SREBF2: variants seen among roughly 807,000 people sequenced by gnomAD.
SREBF2 encodes the protein sterol regulatory element-binding protein 2.
SREBF2 carries 55 observed loss-of-function variants against 113.1 expected under a neutral mutation model. The observed-to-expected ratio is 0.49, with a 90% CI of 0.39 to 0.61. The LOEUF (loss-of-function observed/expected upper bound fraction) is 0.61, where lower values mean the gene tolerates loss of function less well. SREBF2 is among the 20% of genes least tolerant of loss of function. The probability of loss-of-function intolerance (pLI) is 0.00; values close to 1 mark genes in which losing one functional copy is unlikely to be tolerated. For synonymous variants in SREBF2, 593 were observed against 605.7 expected, an observed-to-expected ratio of 0.98 and a Z score of 0.31; for missense variants, 1,349 against 1,487.4, an observed-to-expected ratio of 0.91 and a Z score of 1.53.
rs2077091488 is a variant in SREBF2, at chr22:41,867,292, G to A, written c.538+12G>A. ...TACTAGCTTTCAAGGTGATTCAGAA[G>A]TTAGAATGGTAGTGGTTGGTTGGTT... On this transcript the variant is annotated intron_variant, in intron 2 of 18. Coordinates refer to ENST00000361204, the MANE Select transcript of SREBF2 (RefSeq NM_004599.4). 2 of 1,613,986 alleles carry A rather than the reference G, an allele frequency of 1.2e-6. No individual in the cohort carries two copies. The highest frequency in any genetic ancestry group is 8.5e-7 in the Non-Finnish European group (1 of 1,179,924).
chr22:41,892,995 G>T, intron 11 of SREBF2, 122 bp from the exon 12 acceptor site: 1 of 1,213,570 alleles, frequency 8.2e-7, no homozygotes, highest in Non-Finnish European at 1.2e-6. Flanking sequence ...TCCTATCCCT[G>T]TGCTGATCTT....
At chr22:41,862,649 A>C (rs547408140) in intron 1 of SREBF2, among the ~76,000 whole-genome samples, 1 of 152,320 alleles carries the variant, frequency 6.6e-6, no homozygotes, top group East Asian at 1.9e-4. Context: ...CCATTAGGAC[A>C]TTCCCATGGG....
At chr22:41,881,181 C>T (rs2077242324) in intron 10 of SREBF2, among the ~76,000 whole-genome samples, 189 bp downstream of exon 10, 1 of 152,240 alleles carries the variant, frequency 6.6e-6, no homozygotes, top group Admixed American at 6.5e-5. Flanking sequence ...CTCATCAGTT[C>T]TCAGATGCAC....
At chr22:41,897,898 C>T (rs1602345983) in intron 14 of SREBF2, among the ~76,000 whole-genome samples, 1 of 152,316 alleles carries the variant, frequency 6.6e-6, no homozygotes, top group East Asian at 1.9e-4. Context: ...AAAACTAAGG[C>T]TGAGAGAGGA....
chr22:41,866,084 C>T (rs145867152), intron 1 of SREBF2, among the ~76,000 whole-genome samples: 1 of 152,264 alleles, frequency 6.6e-6, no homozygotes, highest in East Asian at 1.9e-4. Flanking sequence ...GTCTGCAGTG[C>T]TAGGATTAGA....
At chr22:41,903,210 C>T (rs1044296761) in intron 17 of SREBF2, 55 bp downstream of exon 17, 1 of 1,534,508 alleles carries the variant, frequency 6.5e-7, no homozygotes. Flanking sequence ...GGGGCCTGAG[C>T]CCAGAACCCA....
intron 8 of SREBF2, among the ~76,000 whole-genome samples, 194 bp downstream of exon 8, chr22:41,877,615 G>A (rs1056753006): frequency 6.6e-6 from 1 of 152,168 alleles, no homozygotes; most frequent in Non-Finnish European, 1.5e-5. Context: ...AGTTCAGTCA[G>A]AATGAGCAAA....
rs750128710 is a variant in SREBF2 at position 41,880,789 on chromosome 22, G to T, written c.1835G>T (p.Arg612Leu). ...TTGGGCCGGGCACTGCCCACCTCCC[G>T]CCTGGACCTGGCCTGCAGCCTCTCC... is the stretch of plus-strand genomic sequence containing the variant. The part of the protein sequence containing the change: ...AVLGRALPTS[R>L]LDLACSLSWN... Residue 612 changes from arginine (R) to leucine (L), a missense_variant, in exon 10 of 19, where the codon CGC (arginine) becomes CTC (leucine). This residue lies in a region of SREBF2 where 699 missense variants were observed against 843.3 expected (regional missense o/e 0.83). Transcript: ENST00000361204. 6.2e-7 allele frequency: 1 copy of T among 1,614,118 alleles called. No homozygotes were observed. The highest frequency in any genetic ancestry group is 1.1e-5 in the South Asian group (1 of 91,084).
chr22:41,894,365 G>A (rs1051381416), intron 12 of SREBF2, among the ~76,000 whole-genome samples: 4 of 152,210 alleles, frequency 2.6e-5, no homozygotes, highest in South Asian at 2.1e-4. Flanking sequence ...CTGATGGCAC[G>A]TTCCATGACA....
intron 13 of SREBF2, among the ~76,000 whole-genome samples, chr22:41,895,408 G>A (rs1182891981): frequency 6.6e-6 from 1 of 151,404 alleles, no homozygotes; most frequent in Non-Finnish European, 1.5e-5. Context: ...TGGGATTACA[G>A]GCGTGAGCCA....
chr22:41,834,931 G>C (rs569905230), intron 1 of SREBF2, among the ~76,000 whole-genome samples: 1 of 152,214 alleles, frequency 6.6e-6, no homozygotes, highest in African/African-American at 2.4e-5. Context: ...ACCCTGTCAG[G>C]TAGAGAGAAC....
At chr22:41,858,522 CG>C (rs2076997162) in intron 1 of SREBF2, among the ~76,000 whole-genome samples, 1 of 151,066 alleles carries the variant, frequency 6.6e-6, no homozygotes, top group African/African-American at 2.5e-5. Flanking sequence ...GTGGGAGGAT[CG>C]CATGAGGCAG....
chr22:41,850,238 AG>A (rs2076915569), intron 1 of SREBF2, among the ~76,000 whole-genome samples: 1 of 152,140 alleles, frequency 6.6e-6, no homozygotes, highest in South Asian at 2.1e-4. Flanking sequence ...TCACAAGGGC[AG>A]GAGATCAAGA....
intron 1 of SREBF2, among the ~76,000 whole-genome samples, chr22:41,854,544 C>T (rs948514921): frequency 6.6e-6 from 1 of 151,532 alleles, no homozygotes; most frequent in African/African-American, 2.4e-5. Flanking sequence ...ACTCATAGAA[C>T]ACAAGACATA....
At chr22:41,891,750 C>T (rs891448041) in intron 11 of SREBF2, among the ~76,000 whole-genome samples, 2 of 152,182 alleles carry the variant, frequency 1.3e-5, no homozygotes, top group Non-Finnish European at 2.9e-5. Flanking sequence ...CCCTGGGCTC[C>T]CTGGGCTTTC....
chr22:41,835,564 C>A (rs368359564), intron 1 of SREBF2, among the ~76,000 whole-genome samples: 20 of 152,184 alleles, frequency 1.3e-4, no homozygotes, highest in Admixed American at 6.5e-4. Flanking sequence ...CCCACCTTGG[C>A]CTCCTAAAGT....
chr22:41,837,473 A>T (rs902745294), intron 1 of SREBF2, among the ~76,000 whole-genome samples: 8 of 151,026 alleles, frequency 5.3e-5, no homozygotes, highest in African/African-American at 2.0e-4. Flanking sequence ...CAGGAGAATC[A>T]CTTGAACCTG....
At chr22:41,847,723 T>A (rs994213538) in intron 1 of SREBF2, among the ~76,000 whole-genome samples, 1 of 152,236 alleles carries the variant, frequency 6.6e-6, no homozygotes, top group Non-Finnish European at 1.5e-5. Flanking sequence ...GTGGAGATGA[T>A]AATGGCATCT....
rs2077110253 is a variant in SREBF2 at position 41,868,679 on chromosome 22, G to A, written c.607G>A (p.Val203Met). The A allele has an allele frequency of 6.2e-7, 1 of 1,614,082 alleles. No homozygotes were observed. ...QVQPVTIQQQ[V>M]QTVQAQRVLT... ...ACAGCCGGTCACCATTCAGCAGCAG[G>A]TGCAGACAGTACAGGCCCAGCGGGT... The change falls in exon 3 of 19, where the codon GTG becomes ATG. Residue 203 changes from valine to methionine, a missense_variant. Around this residue, in one of 2 missense-constraint regions of SREBF2, gnomAD observed 699 missense variants for 843.3 expected, o/e 0.83. Coordinates refer to ENST00000361204, the MANE Select transcript of SREBF2 (RefSeq NM_004599.4).
Sources: gnomAD v4.1 joint callset for allele counts (sites outside exome capture counted in the v4.1 genomes callset) on GRCh38, gnomAD v4.1.1 for gene constraint, gnomAD v4.1.1 regional missense constraint, MANE v1.5 for transcripts, NCBI Gene and HGNC (gene_info 2026-07-23, HGNC 2026-07-21) for gene names.